Variants in TSGA10 observed in about 807,000 individuals in gnomAD.
TSGA10 encodes the protein testis-specific gene 10 protein.
TSGA10 carries 43 observed loss-of-function variants against 96.6 expected under a neutral mutation model. That is an observed-to-expected ratio of 0.44 (90% CI 0.35 to 0.57). TSGA10 has a LOEUF of 0.57. Among genes scored for constraint, TSGA10 ranks in the 20% least tolerant of loss-of-function variants. The probability of loss-of-function intolerance (pLI) is 0.01; values close to 1 mark genes in which losing one functional copy is unlikely to be tolerated. For missense variants in TSGA10, 703 were observed against 834.4 expected (o/e 0.84, Z 1.94); for synonymous variants, 229 against 269.9 (o/e 0.85, Z 1.48).
intron 1 of TSGA10, among the ~76,000 whole-genome samples, chr2:99,131,358 T>A (rs2093074084): frequency 6.6e-6 from 1 of 152,136 alleles, no homozygotes; most frequent in Non-Finnish European, 1.5e-5. Flanking sequence ...TAAGTTGTAT[T>A]CCTAGGTATG....
At chr2:99,002,530 C>T (rs1264579065) in intron 20 of TSGA10, among the ~76,000 whole-genome samples, 1 of 152,224 alleles carries the variant, frequency 6.6e-6, no homozygotes, top group African/African-American at 2.4e-5. Context: ...ACTGCAAAAA[C>T]ATGCCAAATT....
At chr2:99,012,788 A>G (rs2104888002) in intron 20 of TSGA10, among the ~76,000 whole-genome samples, 1 of 152,304 alleles carries the variant, frequency 6.6e-6, no homozygotes, top group African/African-American at 2.4e-5. Flanking sequence ...CAGAAAGTCA[A>G]AGAAACAATG....
chr2:99,035,717 C>G (rs1452348713), intron 16 of TSGA10, among the ~76,000 whole-genome samples: 1 of 151,272 alleles, frequency 6.6e-6, no homozygotes, highest in Non-Finnish European at 1.5e-5. Flanking sequence ...TTAAAAGTCT[C>G]CAGCCCCAAA....
Position 99,068,892 on chromosome 2 carries a change from G to A in TSGA10, c.1214C>T (p.Ser405Phe). ...EVNKLKNILKSEESENRQMME... is the reference protein window; with the variant it reads ...EVNKLKNILKFEESENRQMME... ...AAAGAAAAAAAAAATACATACTTCA[G>A]ACTTTAATATATTCTTCAGCTTGTT... The change falls in exon 15 of 21, where the codon TCT becomes TTT. Residue 405 changes from serine to phenylalanine, a missense_variant. Around this residue, in one of 3 missense-constraint regions of TSGA10, gnomAD observed 585 missense variants for 656.8 expected, o/e 0.89. Transcript: ENST00000393483. 1 of 1,405,966 alleles carries A rather than the reference G, an allele frequency of 7.1e-7. No individual in the cohort carries two copies. Among genetic ancestry groups the A allele is most frequent in the South Asian group, 1.7e-5 (1 of 57,854 alleles). The allele number at this position is 1,405,966 out of a possible 1,614,324, so 87.1% of individuals were successfully genotyped here. A position where few individuals can be genotyped will look rare whatever the true frequency, so the allele number is the denominator to read the frequency against.
intron 16 of TSGA10, among the ~76,000 whole-genome samples, chr2:99,047,910 A>G (rs923424022): frequency 3.9e-5 from 6 of 152,206 alleles, no homozygotes; most frequent in African/African-American, 1.2e-4. Context: ...AATCACAAGA[A>G]TTCTTATACA....
chr2:99,141,436 A>G, intron 1 of TSGA10: 1 of 173,148 alleles, frequency 5.8e-6, no homozygotes, highest in Admixed American at 6.4e-5. Flanking sequence ...ACCTGGCTCG[A>G]CCTTCCTTCT....
At chr2:99,031,710 C>T (rs537989368) in intron 17 of TSGA10, among the ~76,000 whole-genome samples, 2 of 152,218 alleles carry the variant, frequency 1.3e-5, no homozygotes, top group East Asian at 1.9e-4. Context: ...CAGGTGAGCC[C>T]GCAAAGCTTC....
At chr2:99,004,582 A>G (rs916561715) in intron 20 of TSGA10, among the ~76,000 whole-genome samples, 2 of 152,138 alleles carry the variant, frequency 1.3e-5, no homozygotes, top group African/African-American at 4.8e-5. Context: ...CGCTCTCAAG[A>G]CTAAACCAGG....
intron 16 of TSGA10, among the ~76,000 whole-genome samples, chr2:99,047,129 A>T (rs984746211): frequency 3.9e-5 from 6 of 152,222 alleles, no homozygotes; most frequent in Non-Finnish European, 7.3e-5. Flanking sequence ...TTCATAGCTG[A>T]ATTCTACAAG....
At chr2:99,080,070 C>T (rs1181267458) in intron 11 of TSGA10, among the ~76,000 whole-genome samples, 5 of 152,138 alleles carry the variant, frequency 3.3e-5, no homozygotes, top group Non-Finnish European at 7.4e-5. Flanking sequence ...CCTAACAGCC[C>T]ACTCAAACTA....
chr2:99,105,240 G>C, intron 9 of TSGA10, 119 bp downstream of exon 9: 3 of 759,208 alleles, frequency 4.0e-6, no homozygotes, highest in Middle Eastern at 7.7e-4. Flanking sequence ...AAGTATTTTA[G>C]GACTATAAAC....
intron 6 of TSGA10, 111 bp from the exon 7 acceptor site, chr2:99,109,102 A>G: frequency 3.4e-6 from 3 of 888,378 alleles, no homozygotes; most frequent in Non-Finnish European, 4.9e-6. Flanking sequence ...TATATAATGA[A>G]AGGAAATTAT....
At chr2:99,062,912 T>C (rs977684786) in intron 16 of TSGA10, among the ~76,000 whole-genome samples, 1 of 152,174 alleles carries the variant, frequency 6.6e-6, no homozygotes, top group Non-Finnish European at 1.5e-5. Context: ...AATCATGAAA[T>C]CTGATACATT....
At chr2:99,052,654 C>G (rs899579116) in intron 16 of TSGA10, among the ~76,000 whole-genome samples, 1 of 151,776 alleles carries the variant, frequency 6.6e-6, no homozygotes, top group South Asian at 2.1e-4. Flanking sequence ...AGAAGAATGG[C>G]GTGAACCCAG....
At chr2:99,064,805 G>T in intron 16 of TSGA10, 134 bp downstream of exon 16, 1 of 654,402 alleles carries the variant, frequency 1.5e-6, no homozygotes, top group Non-Finnish European at 2.4e-6. Flanking sequence ...TAAGGAGAAT[G>T]GTTAGCATGC....
intron 10 of TSGA10, among the ~76,000 whole-genome samples, chr2:99,082,170 TTTTGCTCAAAAAGATAACAACA>T (rs1306634218): frequency 1.3e-5 from 2 of 152,252 alleles, no homozygotes; most frequent in Admixed American, 1.3e-4. Flanking sequence ...GTTCCCAGGA[TTTTGCTCAAAAAGATAACAACA>T]TAAAGCCTTG....
In TSGA10 at chr2:99,065,056, A is replaced by C. The variant is rs750171799; in HGVS notation, c.1287T>G (p.Asn429Lys). Residue 429 changes from asparagine (N) to lysine (K), a missense_variant, in exon 16 of 21, where the codon AAT (asparagine) becomes AAG (lysine). By Grantham distance (94) the Asn-to-Lys change is moderately conservative (BLOSUM62 0). This residue lies in a region of TSGA10 where 585 missense variants were observed against 656.8 expected (regional missense o/e 0.89). Coordinates refer to ENST00000393483, the MANE Select transcript of TSGA10 (RefSeq NM_025244.4). ...KANEDAENWE[N>K]KARQSEADNN... is the part of the protein sequence containing the mutation. ...TATCTGCCTCTGATTGACGGGCTTT[A>C]TTTTCCCAGTTTTCAGCATCTTCAT... 1 of 1,613,678 alleles carries C rather than the reference A, an allele frequency of 6.2e-7. No homozygotes were observed. The highest frequency in any genetic ancestry group is 1.1e-5 in the South Asian group (1 of 91,012).
At position 99,068,943 on chromosome 2, in the gene TSGA10, T is replaced by C; in HGVS notation, c.1163A>G (p.Lys388Arg). ...AACCTCCAAATTAGTATCTTGAACCTTCTGTTTTATGTCATTAAGTTCATT... is the reference window on the plus strand; with the variant it reads ...AACCTCCAAATTAGTATCTTGAACCCTCTGTTTTATGTCATTAAGTTCATT... The part of the protein sequence containing the change: ...THNELNDIKQ[K>R]VQDTNLEVNK... The change falls in exon 15 of 21, where the codon AAG becomes AGG. Residue 388 changes from lysine (K) to arginine (R), a missense_variant. Transcript: ENST00000393483. 1 of 1,477,548 alleles carries C rather than the reference T, an allele frequency of 6.8e-7. No individual in the cohort carries two copies. 91.5% of individuals were successfully genotyped at this position (1,477,548 alleles called of 1,614,324 possible).
intron 10 of TSGA10, among the ~76,000 whole-genome samples, chr2:99,092,760 G>T (rs2089503882): frequency 6.6e-6 from 1 of 151,954 alleles, no homozygotes; most frequent in Non-Finnish European, 1.5e-5. Flanking sequence ...ATAACAGGGG[G>T]ATTCAAATAG....
Sources: allele counts gnomAD v4.1 joint callset (sites outside exome capture counted in the v4.1 genomes callset), GRCh38; gene constraint gnomAD v4.1.1; regional missense constraint gnomAD v4.1.1; transcripts MANE v1.5; gene names NCBI Gene and HGNC (gene_info 2026-07-23, HGNC 2026-07-21).